CACNA1C: variants seen among roughly 807,000 people sequenced by gnomAD.
The protein encoded by CACNA1C is calcium voltage-gated channel subunit alpha1 C, also known as voltage-dependent L-type calcium channel subunit alpha-1C.
In CACNA1C, 30 loss-of-function variants were observed where a neutral mutation model predicts 229.0. The observed-to-expected ratio is 0.13, with a 90% CI of 0.10 to 0.18. The LOEUF is 0.18. Among genes scored for constraint, CACNA1C ranks in the 10% least tolerant of loss-of-function variants. The probability of loss-of-function intolerance (pLI) is 1.00; values close to 1 mark genes in which losing one functional copy is unlikely to be tolerated. For synonymous variants in CACNA1C, 1,114 were observed against 1,132.5 expected, an observed-to-expected ratio of 0.98 and a Z score of 0.33; for missense variants, 1,658 against 2,845.0, an observed-to-expected ratio of 0.58 and a Z score of 9.49.
rs1034240346 is a variant in CACNA1C, at chr12:2,677,982, C to G, written c.5091+115C>G. 4 of 1,237,688 alleles carry G rather than the reference C, an allele frequency of 3.2e-6. No homozygotes were observed. Among genetic ancestry groups the G allele is most frequent in the Non-Finnish European group, 4.6e-6 (4 of 867,498 alleles). 76.7% of individuals were successfully genotyped at this position (1,237,688 alleles called of 1,614,324 possible). A position where few individuals can be genotyped will look rare whatever the true frequency, so the allele number is the denominator to read the frequency against. ...GAAGGAGCTGCACCAGAGGAAAGGG[C>G]TACTTCCAGGCTCTTCCTGATGAGC... is the stretch of plus-strand genomic sequence containing the variant. On this transcript the variant is annotated intron_variant, in intron 41 of 46. Transcript: ENST00000399655. The surrounding 1 kb of genome is among the most constrained non-coding windows in gnomAD (Gnocchi z 7.4).
At chr12:2,322,823 A>T (rs1005170917) in intron 3 of CACNA1C, among the ~76,000 whole-genome samples, 7 of 152,272 alleles carry the variant, frequency 4.6e-5, no homozygotes, top group African/African-American at 1.7e-4. Context: ...GTTACCTTGG[A>T]AGTTAAGTGG....
At chr12:2,303,512 C>T (rs1186356825) in intron 3 of CACNA1C, among the ~76,000 whole-genome samples, 2 of 152,120 alleles carry the variant, frequency 1.3e-5, no homozygotes, top group Non-Finnish European at 2.9e-5. Context: ...CACCCGTAAC[C>T]CCAGCACTTT....
Position 2,285,273 on chromosome 12 carries a change from A to C in CACNA1C, c.478-163703A>C, listed in dbSNP as rs1223567583. 6.6e-6 allele frequency among the ~76,000 whole-genome samples: 1 copy of C among 152,196 alleles called. No individual in the cohort carries two copies. The highest frequency in any genetic ancestry group is 1.5e-5 in the Non-Finnish European group (1 of 68,030). On this transcript the variant is annotated intron_variant, in intron 3 of 46. Coordinates refer to ENST00000399655, the MANE Select transcript of CACNA1C (RefSeq NM_000719.7). This position sits in a 1 kb window ranked among gnomAD's most constrained non-coding sequence, Gnocchi z 4.2. ...TTTACACTGGGCATTCAATGTCATCACATTGATAACTTGAAATGGGCAGTA... is the reference window on the plus strand; with the variant it reads ...TTTACACTGGGCATTCAATGTCATCCCATTGATAACTTGAAATGGGCAGTA...
At position 2,054,570 on chromosome 12, in the gene CACNA1C, C is replaced by A. The variant is rs888226816; in HGVS notation, c.49+959C>A. ...TACTTCCTGGAAACTTTCTCCCTCA[C>A]CGCTCTCCCCCCATATTAACAAGTT... On this transcript the variant is annotated intron_variant, in intron 1 of 46. Transcript: ENST00000399655. The surrounding 1 kb of genome is among the most constrained non-coding windows in gnomAD (Gnocchi z 5.5). Among the ~76,000 whole-genome samples, 1 of 152,190 alleles carries A rather than the reference C, an allele frequency of 6.6e-6. No individual in the cohort carries two copies. The highest frequency in any genetic ancestry group is 1.5e-5 in the Non-Finnish European group (1 of 68,036).
At position 2,693,147 on chromosome 12, in the gene CACNA1C, G is replaced by T. The variant is rs564087446; in HGVS notation, c.*1948G>T. ...ATCGTTTGCTGGGTATGTTTGTACC[G>T]CCTCTTGCTGTGAGAGACCAGGACC... On this transcript the variant is annotated 3_prime_UTR_variant, in exon 47 of 47. Coordinates refer to ENST00000399655, the MANE Select transcript of CACNA1C (RefSeq NM_000719.7). 6.6e-6 allele frequency: 1 copy of T among 152,140 alleles called. No individual in the cohort carries two copies. The highest frequency in any genetic ancestry group is 1.5e-5 in the Non-Finnish European group (1 of 68,034). 9.4% of individuals were successfully genotyped at this position (152,140 alleles called of 1,614,324 possible). A position where few individuals can be genotyped will look rare whatever the true frequency, so the allele number is the denominator to read the frequency against.
chr12:2,070,805 CTCTT>C (rs910868222), intron 1 of CACNA1C, among the ~76,000 whole-genome samples: 33 of 152,052 alleles, frequency 2.2e-4, no homozygotes, highest in Non-Finnish European at 3.8e-4. Context: ...TAGTCATTAT[CTCTT>C]TCTTTCTTTC....
rs1245487172 is a variant in CACNA1C at position 2,693,651 on chromosome 12, T to TG, written c.*2457dup. 2 of 152,136 alleles carry TG rather than the reference T, an allele frequency of 1.3e-5. No individual in the cohort carries two copies. The highest frequency in any genetic ancestry group is 2.4e-5 in the African/African-American group (1 of 41,396). 9.4% of individuals were successfully genotyped at this position (152,136 alleles called of 1,614,324 possible). A position where few individuals can be genotyped will look rare whatever the true frequency, so the allele number is the denominator to read the frequency against. On this transcript the variant is annotated 3_prime_UTR_variant, in exon 47 of 47. Coordinates refer to ENST00000399655, the MANE Select transcript of CACNA1C (RefSeq NM_000719.7). ...GGGAAGAGGCATCCGGAGCTCACAG[T>TG]GGGGGTGGGAACAGATTTTTGTGGG...
At position 2,034,133 on chromosome 12, in the gene CACNA1C, C is replaced by G. The variant is rs962890650; in HGVS notation, c.139+62932C>G. Among the ~76,000 whole-genome samples, 2 of 152,178 alleles carry G rather than the reference C, an allele frequency of 1.3e-5. No homozygotes were observed. The highest frequency in any genetic ancestry group is 2.4e-5 in the African/African-American group (1 of 41,424). On this transcript the variant is annotated intron_variant, in intron 1 of 46. Transcript: ENST00000682462. This position sits in a 1 kb window ranked among gnomAD's most constrained non-coding sequence, Gnocchi z 4.1. ...ACTCATTTTAATCCTCACAGCAACC[C>G]CATGAGGTGGATATCTTTATTCCTA...
chr12:2,148,026 C>T (rs1359837721), intron 3 of CACNA1C, among the ~76,000 whole-genome samples: 1 of 151,252 alleles, frequency 6.6e-6, no homozygotes, highest in African/African-American at 2.4e-5. Context: ...CATATATACA[C>T]ATACATGCAC....
chr12:2,383,235 A>G (rs2098295395), intron 3 of CACNA1C, among the ~76,000 whole-genome samples: 1 of 152,208 alleles, frequency 6.6e-6, no homozygotes, highest in South Asian at 2.1e-4. Context: ...AGGCTCAGGA[A>G]AAGAAGGGTG....
Position 2,348,797 on chromosome 12 carries a change from G to A in CACNA1C, c.478-100179G>A, listed in dbSNP as rs1008730636. On this transcript the variant is annotated intron_variant, in intron 3 of 46. Coordinates refer to ENST00000399655, the MANE Select transcript of CACNA1C (RefSeq NM_000719.7). The surrounding 1 kb of genome is among the most constrained non-coding windows in gnomAD (Gnocchi z 4.7). The stretch of plus-strand genomic sequence containing the variant: ...GAGAGTAGCTTCAAGCTTGCTCATG[G>A]CTGGACTTCCCAGACACAGGGTGGG... Among the ~76,000 whole-genome samples the A allele has an allele frequency of 3.9e-5, 6 of 152,148 alleles. No individual in the cohort carries two copies. Among genetic ancestry groups the A allele is most frequent in the African/African-American group, 1.4e-4 (6 of 41,430 alleles).
In CACNA1C at chr12:2,632,869, A is replaced by C. The variant is rs1386843582; in HGVS notation, c.3829-1428A>C. ...AGCCCTGTCAAGAGCCACATAACAC[A>C]CTCCCGGAGTAGGAGCCCAGCCTTG... is the stretch of plus-strand genomic sequence containing the variant. On this transcript the variant is annotated intron_variant, in intron 29 of 46. Transcript: ENST00000399655. This position sits in a 1 kb window ranked among gnomAD's most constrained non-coding sequence, Gnocchi z 4.1. Among the ~76,000 whole-genome samples, 1 of 151,230 alleles carries C rather than the reference A, an allele frequency of 6.6e-6. No individual in the cohort carries two copies. The highest frequency in any genetic ancestry group is 1.5e-5 in the Non-Finnish European group (1 of 67,846).
intron 3 of CACNA1C, among the ~76,000 whole-genome samples, chr12:2,307,560 G>C (rs1022991509): frequency 5.9e-5 from 9 of 152,146 alleles, no homozygotes; most frequent in Non-Finnish European, 7.4e-5. Context: ...AAATGTTACT[G>C]TGCCGCAGAC....
At position 1,971,087 on chromosome 12, in the gene CACNA1C, G is replaced by A. The variant is rs2032056987; in HGVS notation, c.25G>A (p.Gly9Ser). Residue 9 changes from glycine (G) to serine (S), a missense_variant, in exon 1 of 47, where the codon GGT (glycine) becomes AGT (serine). Coordinates refer to the CACNA1C transcript ENST00000682462. This position sits in a 1 kb window ranked among gnomAD's most constrained non-coding sequence, Gnocchi z 4.2. ...AATGCTTCGAGCCTTTGTTCAGCCTGGTACGCCTGCATACCAGCCGCTTCC... is the reference window on the plus strand; with the variant it reads ...AATGCTTCGAGCCTTTGTTCAGCCTAGTACGCCTGCATACCAGCCGCTTCC... 2 of 1,289,486 alleles carry A rather than the reference G, an allele frequency of 1.6e-6. No homozygotes were observed. The highest frequency in any genetic ancestry group is 1.2e-5 in the South Asian group (1 of 81,010). The allele number at this position is 1,289,486 out of a possible 1,614,324, so 79.9% of individuals were successfully genotyped here.
rs1424367218 is a variant in CACNA1C at position 2,285,608 on chromosome 12, G to C, written c.478-163368G>C. 6.6e-6 allele frequency among the ~76,000 whole-genome samples: 1 copy of C among 152,200 alleles called. No homozygotes were observed. The highest frequency in any genetic ancestry group is 2.4e-5 in the African/African-American group (1 of 41,446). On this transcript the variant is annotated intron_variant, in intron 3 of 46. Transcript: ENST00000399655. The surrounding 1 kb of genome is among the most constrained non-coding windows in gnomAD (Gnocchi z 4.2). ...AATGAGAGGACTCTGCTGTGCCGCAGAGCTGGAATCACTCAAAGCAGAGTG... is the reference window on the plus strand; with the variant it reads ...AATGAGAGGACTCTGCTGTGCCGCACAGCTGGAATCACTCAAAGCAGAGTG...
At chr12:2,219,077 TC>T (rs1454847150) in intron 3 of CACNA1C, among the ~76,000 whole-genome samples, 1 of 152,224 alleles carries the variant, frequency 6.6e-6, no homozygotes, top group Non-Finnish European at 1.5e-5. Context: ...CAAATATGTA[TC>T]TGACTATATG....
chr12:2,472,610 ATATC>A (rs1453786656), intron 5 of CACNA1C, among the ~76,000 whole-genome samples: 1 of 152,074 alleles, frequency 6.6e-6, no homozygotes, highest in Admixed American at 6.6e-5. Context: ...CTATATATAT[ATATC>A]TCTCTACACA....
chr12:2,061,524 G>C (rs1391604641), intron 1 of CACNA1C, among the ~76,000 whole-genome samples: 2 of 132,636 alleles, frequency 1.5e-5, no homozygotes, highest in Non-Finnish European at 3.1e-5. Context: ...AGGCTCCCAG[G>C]ACGGTGGAGC....
chr12:2,549,912 G>A, intron 9 of CACNA1C, 31 bp from the exon 10 acceptor site: 1 of 1,505,062 alleles, frequency 6.6e-7, no homozygotes, highest in Admixed American at 1.9e-5. Context: ...CACCCTCAAT[G>A]CCTGGCTCTG....
Sources: gnomAD v4.1 joint callset for allele counts (sites outside exome capture counted in the v4.1 genomes callset) on GRCh38, gnomAD v4.1.1 for gene constraint, Gnocchi (gnomAD v3.1) non-coding constraint, MANE v1.5 for transcripts, NCBI Gene and HGNC (gene_info 2026-07-23, HGNC 2026-07-21) for gene names.